The following QTGAL variants were observed in gnomAD, a reference collection of about 807,000 sequenced individuals.
QTGAL encodes queuosine-tRNA galactosyltransferase, also known as BGnT-like protein 1.
the QTGAL span, among the ~76,000 whole-genome samples, chr17:83,020,530 G>A: frequency 3.9e-5 from 6 of 152,222 alleles, no homozygotes; most frequent in African/African-American, 7.2e-5. Flanking sequence ...ACCAAAGACC[G>A]AGGTCTGGAG....
the QTGAL span, among the ~76,000 whole-genome samples, chr17:82,958,303 G>A: frequency 4.6e-5 from 7 of 152,168 alleles, no homozygotes; most frequent in African/African-American, 1.4e-4. Flanking sequence ...ATGTAGCCAC[G>A]CTGAAGCCCG....
At chr17:83,029,039 G>A in the QTGAL span, among the ~76,000 whole-genome samples, 1 of 152,202 alleles carries the variant, frequency 6.6e-6, no homozygotes, top group Non-Finnish European at 1.5e-5. Context: ...GAAGCCCTGG[G>A]GCTCCAAGTC....
At chr17:83,051,598 T>A in the QTGAL span, 10 of 899,628 alleles carry the variant, frequency 1.1e-5, no homozygotes, top group African/African-American at 1.6e-4. Flanking sequence ...TAAGGGCTGC[T>A]CAGGGCGGAG....
the QTGAL span, among the ~76,000 whole-genome samples, chr17:83,027,498 T>C: frequency 6.6e-6 from 1 of 151,946 alleles, no homozygotes; most frequent in Non-Finnish European, 1.5e-5. Context: ...AGTAAATAAG[T>C]TGGACTTCAC....
the QTGAL span, among the ~76,000 whole-genome samples, chr17:82,976,216 G>A: frequency 1.5e-5 from 1 of 68,292 alleles, no homozygotes; most frequent in South Asian, 4.7e-4. Flanking sequence ...TCAGGGCCCC[G>A]GGACAGAGCC....
At chr17:83,048,554 A>G in the QTGAL span, 1 of 1,614,052 alleles carries the variant, frequency 6.2e-7, no homozygotes. Context: ...TTTTTCAATG[A>G]TAGCCCCAGA....
chr17:82,969,390 G>C, the QTGAL span, among the ~76,000 whole-genome samples: 2 of 152,130 alleles, frequency 1.3e-5, no homozygotes, highest in African/African-American at 4.8e-5. Context: ...TGTATTTTTA[G>C]TAGGGACAGG....
chr17:83,005,504 G>A, the QTGAL span: 2 of 685,422 alleles, frequency 2.9e-6, no homozygotes, highest in African/African-American at 1.7e-5. The surrounding 1 kb of genome is among the most constrained non-coding windows in gnomAD (Gnocchi z 5.6). Context: ...ATATGTCACA[G>A]ATGACATTTC....
the QTGAL span, among the ~76,000 whole-genome samples, chr17:83,000,295 C>T: frequency 1.3e-5 from 2 of 152,048 alleles, no homozygotes; most frequent in African/African-American, 2.4e-5. Flanking sequence ...TTGTGATTTA[C>T]TGGAGGGAGG....
chr17:82,965,499 G>A, the QTGAL span: 4 of 739,502 alleles, frequency 5.4e-6, no homozygotes, highest in Non-Finnish European at 4.4e-6. Context: ...TGCCAGGAGG[G>A]GGCACCGGGA....
the QTGAL span, among the ~76,000 whole-genome samples, chr17:83,041,485 G>C: frequency 6.6e-6 from 1 of 152,242 alleles, no homozygotes; most frequent in South Asian, 2.1e-4. Context: ...ACAAAATATT[G>C]AAAGCGACAA....
the QTGAL span, among the ~76,000 whole-genome samples, chr17:83,028,698 C>T: frequency 2.6e-5 from 4 of 152,150 alleles, no homozygotes; most frequent in Admixed American, 6.5e-5. Context: ...ACAGTACGAA[C>T]GCCGGAAAAC....
At chr17:83,050,356 G>A in the QTGAL span, among the ~76,000 whole-genome samples, 33 of 151,546 alleles carry the variant, frequency 2.2e-4, no homozygotes, top group Non-Finnish European at 4.1e-4. Flanking sequence ...GGCAACGAGT[G>A]TGAAACTCCA....
At chr17:83,029,615 G>T in the QTGAL span, among the ~76,000 whole-genome samples, 3,453 of 152,228 alleles carry the variant, frequency 0.023, 95 homozygotes, top group African/African-American at 0.063. Flanking sequence ...AAGTCAGGCT[G>T]GGGGGAGCCG....
chr17:82,968,313 G>A, the QTGAL span, among the ~76,000 whole-genome samples: 8 of 152,002 alleles, frequency 5.3e-5, no homozygotes, highest in Admixed American at 4.0e-4. Context: ...CCCGTACCAC[G>A]AGTCCAGTGG....
chr17:83,007,459 C>G, the QTGAL span, among the ~76,000 whole-genome samples: 2 of 152,160 alleles, frequency 1.3e-5, no homozygotes, highest in Non-Finnish European at 2.9e-5. Context: ...GGAAGCTGAT[C>G]AAAAGCTGGA....
At chr17:82,999,538 A>G in the QTGAL span, among the ~76,000 whole-genome samples, 14 of 152,240 alleles carry the variant, frequency 9.2e-5, no homozygotes, top group Non-Finnish European at 1.8e-4. Flanking sequence ...GGGAAGCCTT[A>G]CCGATAACAT....
At chr17:83,051,715 C>G in the QTGAL span, 3 of 1,477,362 alleles carry the variant, frequency 2.0e-6, no homozygotes, top group East Asian at 2.9e-5. Context: ...CACGGCGGGG[C>G]ACCCTCCCCG....
chr17:83,024,433 G>A, the QTGAL span, among the ~76,000 whole-genome samples: 23 of 152,372 alleles, frequency 1.5e-4, no homozygotes, highest in Admixed American at 1.2e-3. Context: ...GCGAGACCAC[G>A]CACAAGACAG....
Sources: allele counts gnomAD v4.1 joint callset (sites outside exome capture counted in the v4.1 genomes callset), GRCh38; gene constraint gnomAD v4.1.1; non-coding constraint Gnocchi (gnomAD v3.1); transcripts MANE v1.5; gene names NCBI Gene and HGNC (gene_info 2026-07-23, HGNC 2026-07-21).